WWC1: variants seen among roughly 807,000 people sequenced by gnomAD.
The protein encoded by WWC1 is WW and C2 domain containing 1, also known as protein KIBRA.
WWC1 carries 55 observed loss-of-function variants against 138.4 expected under a neutral mutation model. The ratio of observed to expected loss-of-function variants is 0.40; its 90% CI spans 0.32 to 0.50. The LOEUF (loss-of-function observed/expected upper bound fraction) is 0.50, where lower values mean the gene tolerates loss of function less well. Ranked by LOEUF, WWC1 falls within the 20% of genes least tolerant of loss-of-function variation. The pLI is 0.72. For synonymous variants in WWC1, 524 were observed against 564.9 expected (o/e 0.93, Z 1.03); for missense variants, 1,226 against 1,420.4 (o/e 0.86, Z 2.20).
intron 8 of WWC1, 64 bp from the exon 9 acceptor site, chr5:168,414,284 T>C: frequency 1.3e-6 from 2 of 1,569,696 alleles, no homozygotes; most frequent in Non-Finnish European, 1.7e-6. Flanking sequence ...TGTTTCTTCA[T>C]GGCATCTCCT....
chr5:168,431,158 T>C (rs1781905106), intron 14 of WWC1, 94 bp from the exon 15 acceptor site: 1 of 1,130,170 alleles, frequency 8.8e-7, no homozygotes, highest in African/African-American at 1.6e-5. Context: ...CATCCACTGT[T>C]GTTTGCTTAG....
Position 168,460,754 on chromosome 5 carries a change from A to G in WWC1, c.2916+12A>G. The G allele has an allele frequency of 6.2e-7, 1 of 1,613,902 alleles. No homozygotes were observed. The highest frequency in any genetic ancestry group is 8.5e-7 in the Non-Finnish European group (1 of 1,179,852). ...TCCGGATGAAGCGGGTAAGAGAGTCACCTCAAAGCTATTTTTCTGCCTGCT... is the reference window on the plus strand; with the variant it reads ...TCCGGATGAAGCGGGTAAGAGAGTCGCCTCAAAGCTATTTTTCTGCCTGCT... On this transcript the variant is annotated intron_variant, in intron 20 of 22. Coordinates refer to ENST00000265293, the MANE Select transcript of WWC1 (RefSeq NM_015238.3).
chr5:168,392,582 A>G lies in WWC1; in HGVS notation c.434-5142A>G, dbSNP rs188444731. 2.7e-3 allele frequency among the ~76,000 whole-genome samples: 406 copies of G among 152,342 alleles called. 3 individuals are homozygous for G. The highest frequency in any genetic ancestry group is 6.8e-3 in the Middle Eastern group (2 of 294). On this transcript the variant is annotated intron_variant, in intron 3 of 22. Coordinates refer to ENST00000265293, the MANE Select transcript of WWC1 (RefSeq NM_015238.3). ...GTGGCAAGCACCTGTAGTCCCAGCT[A>G]TTCAGTAGGCTGAGGCAGGAGGATT...
Position 168,423,149 on chromosome 5 carries a change from C to CAAA in WWC1, c.1275-363_1275-361dup, listed in dbSNP as rs773855632. Among the ~76,000 whole-genome samples, 108 of 71,242 alleles carry CAAA rather than the reference C, an allele frequency of 1.5e-3. 1 individual carries two copies. The highest frequency in any genetic ancestry group is 5.2e-3 in the African/African-American group (85 of 16,286). The allele number at this position is 71,242 out of a possible 152,430, so 46.7% of individuals were successfully genotyped here. ...GACAGAGCAAGACTCCATCCCCCCCCAAAAAAAAAAAAAAAAAAAAAAACA... is the reference window on the plus strand; with the variant it reads ...GACAGAGCAAGACTCCATCCCCCCCCAAAAAAAAAAAAAAAAAAAAAAAAAACA... On this transcript the variant is annotated intron_variant, in intron 10 of 22. Coordinates refer to ENST00000265293, the MANE Select transcript of WWC1 (RefSeq NM_015238.3).
rs147909324 is a variant in WWC1, at chr5:168,301,553, G to T, written c.119+9282G>T. Among the ~76,000 whole-genome samples the T allele has an allele frequency of 3.3e-3, 494 of 151,754 alleles. 3 individuals are homozygous for T. The highest frequency in any genetic ancestry group is 0.011 in the African/African-American group (456 of 41,380). On this transcript the variant is annotated intron_variant, in intron 1 of 22. Transcript: ENST00000265293. ...CTCGGGAGGCTGAGGCAGGAGAGTC[G>T]CTTGAACCTGGGAGACGGAGGTTGC...
At chr5:168,442,985 T>C (rs1209181559) in intron 16 of WWC1, among the ~76,000 whole-genome samples, 1 of 152,220 alleles carries the variant, frequency 6.6e-6, no homozygotes, top group Admixed American at 6.5e-5. Flanking sequence ...CCACACCTAC[T>C]GGCCAGGCAG....
chr5:168,434,223 C>T (rs1782165284), intron 15 of WWC1, among the ~76,000 whole-genome samples: 2 of 152,234 alleles, frequency 1.3e-5, no homozygotes, highest in Non-Finnish European at 2.9e-5. Context: ...GTTGCCATGG[C>T]AGCAGCCAAA....
intron 1 of WWC1, among the ~76,000 whole-genome samples, chr5:168,357,586 C>T (rs1775558133): frequency 6.6e-6 from 1 of 151,828 alleles, no homozygotes; most frequent in Admixed American, 6.6e-5. Context: ...AGAGCAAAGG[C>T]AAAGAGGACA....
At chr5:168,304,570 G>A (rs1177379601) in intron 1 of WWC1, among the ~76,000 whole-genome samples, 1 of 152,164 alleles carries the variant, frequency 6.6e-6, no homozygotes, top group Non-Finnish European at 1.5e-5. Flanking sequence ...CTGAGAACCT[G>A]TTAGAAACAC....
chr5:168,447,382 T>C, intron 17 of WWC1, among the ~76,000 whole-genome samples: 1 of 152,202 alleles, frequency 6.6e-6, no homozygotes, highest in East Asian at 1.9e-4. Flanking sequence ...GTCGTAAGAA[T>C]TCTGTTGCAT....
intron 17 of WWC1, among the ~76,000 whole-genome samples, chr5:168,450,894 G>C (rs1755741769): frequency 6.6e-6 from 1 of 151,926 alleles, no homozygotes; most frequent in Non-Finnish European, 1.5e-5. Flanking sequence ...AAAATGAAAA[G>C]GCAAGCCACA....
chr5:168,345,952 T>C (rs1050280846), intron 1 of WWC1, among the ~76,000 whole-genome samples: 1 of 152,126 alleles, frequency 6.6e-6, no homozygotes, highest in Admixed American at 6.5e-5. Context: ...AATTAAATTA[T>C]TGGAGTCTCA....
intron 1 of WWC1, among the ~76,000 whole-genome samples, chr5:168,317,351 C>T (rs1013899562): frequency 5.9e-5 from 9 of 152,172 alleles, no homozygotes; most frequent in Non-Finnish European, 1.2e-4. Flanking sequence ...TCGCACTCTC[C>T]GGGGTGCAGT....
At chr5:168,381,523 T>G (rs1156855868) in intron 2 of WWC1, among the ~76,000 whole-genome samples, 1 of 152,178 alleles carries the variant, frequency 6.6e-6, no homozygotes, top group African/African-American at 2.4e-5. Context: ...TTTGGGGAGC[T>G]TTGTAAATCA....
Position 168,343,816 on chromosome 5 carries a change from CAAA to C in WWC1, c.120-27592_120-27590del, listed in dbSNP as rs35208487. Among the ~76,000 whole-genome samples the C allele has an allele frequency of 1.8e-3, 250 of 135,588 alleles. 1 individual carries two copies. Among genetic ancestry groups the C allele is most frequent in the African/African-American group, 1.8e-3 (67 of 36,672 alleles). 89.0% of individuals were successfully genotyped at this position (135,588 alleles called of 152,430 possible). The stretch of plus-strand genomic sequence containing the variant: ...TGGGCGACACAGTGAGACTATGTCT[CAAA>C]AAAAAAAAAAAAAAAGTTGAACTTT... On this transcript the variant is annotated intron_variant, in intron 1 of 22. Coordinates refer to ENST00000265293, the MANE Select transcript of WWC1 (RefSeq NM_015238.3).
intron 1 of WWC1, among the ~76,000 whole-genome samples, chr5:168,324,518 C>G (rs1031839400): frequency 2.0e-5 from 3 of 151,950 alleles, no homozygotes; most frequent in Non-Finnish European, 4.4e-5. Flanking sequence ...AAAAGAGCAC[C>G]AGAAATAGAA....
rs141983596 is a variant in WWC1, at chr5:168,420,744, C to A, written c.1185-1264C>A. The stretch of plus-strand genomic sequence containing the variant: ...GTAACCGCACAGTCTTCCACATTTA[C>A]TCCCTCAGCCTCAGCTGCTCCTGCA... On this transcript the variant is annotated intron_variant, in intron 9 of 22. Coordinates refer to ENST00000265293, the MANE Select transcript of WWC1 (RefSeq NM_015238.3). 4.0e-3 allele frequency among the ~76,000 whole-genome samples: 610 copies of A among 152,312 alleles called. 1 individual carries two copies. The highest frequency in any genetic ancestry group is 6.8e-3 in the Middle Eastern group (2 of 294).
At chr5:168,389,615 T>G (rs1415234700) in intron 3 of WWC1, among the ~76,000 whole-genome samples, 5 of 126,516 alleles carry the variant, frequency 4.0e-5, no homozygotes, top group African/African-American at 5.7e-5. Context: ...TTTTTTTTTT[T>G]TTTGTTAATT....
intron 15 of WWC1, among the ~76,000 whole-genome samples, chr5:168,435,251 C>T (rs1782261500): frequency 6.6e-6 from 1 of 152,086 alleles, no homozygotes. Flanking sequence ...TGAGGGTGGG[C>T]CTTCTGCACT....
Sources: allele counts gnomAD v4.1 joint callset (sites outside exome capture counted in the v4.1 genomes callset), GRCh38; gene constraint gnomAD v4.1.1; transcripts MANE v1.5; gene names NCBI Gene and HGNC (gene_info 2026-07-23, HGNC 2026-07-21).